The following ARHGEF10 variants were observed in gnomAD, a reference collection of about 807,000 sequenced individuals.
ARHGEF10 encodes Rho guanine nucleotide exchange factor 10, also known as Rho guanine nucleotide exchange factor (GEF) 10.
Under a neutral mutation model 147.4 loss-of-function variants are expected in ARHGEF10, and 140 were observed. That is an observed-to-expected ratio of 0.95 (90% confidence interval 0.83 to 1.09). The LOEUF is 1.09. Among genes scored for constraint, ARHGEF10 ranks in the 50% least tolerant of loss-of-function variants. The pLI, the probability that ARHGEF10 is intolerant of heterozygous loss-of-function variation, is 0.00. For missense variants in ARHGEF10, 2,222 were observed against 1,752.7 expected (o/e 1.27, Z -4.78); for synonymous variants, 902 against 695.8 (o/e 1.30, Z -4.67).
At chr8:1,854,824 G>A (rs1157364044) in intron 2 of ARHGEF10, among the ~76,000 whole-genome samples, 1 of 152,206 alleles carries the variant, frequency 6.6e-6, no homozygotes, top group Non-Finnish European at 1.5e-5. Context: ...CCGCCAACCA[G>A]GTTTCCCACT....
chr8:1,891,746 G>T (rs899728410), intron 11 of ARHGEF10, among the ~76,000 whole-genome samples: 3 of 152,098 alleles, frequency 2.0e-5, no homozygotes, highest in African/African-American at 7.2e-5. Context: ...CCTGAGCACT[G>T]GAGGCTCCCT....
intron 11 of ARHGEF10, among the ~76,000 whole-genome samples, chr8:1,888,112 CACTTAGTGGGGTGAGGGTTTGCG>C (rs2129138651): frequency 9.2e-6 from 1 of 108,448 alleles, no homozygotes; most frequent in African/African-American, 6.4e-5. Flanking sequence ...TTTGAGGAGA[CACTTAGTGGGGTGAGGGTTTGCG>C]AGGAGACACT....
chr8:1,881,516 A>T (rs897480918), intron 9 of ARHGEF10, among the ~76,000 whole-genome samples: 4 of 152,292 alleles, frequency 2.6e-5, no homozygotes, highest in African/African-American at 7.2e-5. Context: ...AGGAAATGGC[A>T]GCAGGACATG....
At chr8:1,902,556 G>A (rs957109601) in intron 15 of ARHGEF10, among the ~76,000 whole-genome samples, 34 of 151,968 alleles carry the variant, frequency 2.2e-4, no homozygotes, top group African/African-American at 7.7e-4. Context: ...AAAATTGAGC[G>A]GAAAGTACAG....
chr8:1,920,016 ATGATGGAGCTGTTCTATGGG>A (rs1563286291), intron 18 of ARHGEF10, among the ~76,000 whole-genome samples: 5 of 47,894 alleles, frequency 1.0e-4, no homozygotes, highest in Admixed American at 4.4e-4. Flanking sequence ...TGTTCTGTGG[ATGATGGAGCTGTTCTATGGG>A]TGATGGAGCT....
intron 18 of ARHGEF10, among the ~76,000 whole-genome samples, chr8:1,911,434 T>C (rs1307830551): frequency 6.6e-6 from 1 of 152,244 alleles, no homozygotes; most frequent in Non-Finnish European, 1.5e-5. Context: ...TTTGTTCCTC[T>C]AGATTAAAAA....
upstream of ARHGEF10, among the ~76,000 whole-genome samples, chr8:1,823,509 C>G (rs570934947): frequency 6.6e-6 from 1 of 152,004 alleles, no homozygotes; most frequent in South Asian, 2.1e-4. Flanking sequence ...CGTGGGGGTC[C>G]GCAGAAAGGG....
At chr8:1,901,496 C>T (rs1399079104) in intron 15 of ARHGEF10, among the ~76,000 whole-genome samples, 1 of 152,230 alleles carries the variant, frequency 6.6e-6, no homozygotes, top group Admixed American at 6.5e-5. Flanking sequence ...TCCATTGGCC[C>T]TGTGACATTT....
chr8:1,950,367 C>A lies in ARHGEF10; in HGVS notation c.3398-2338C>A, dbSNP rs115667504. 6.2e-3 allele frequency among the ~76,000 whole-genome samples: 944 copies of A among 152,306 alleles called. 11 individuals carry two copies. Among genetic ancestry groups the A allele is most frequent in the South Asian group, 0.021 (102 of 4,828 alleles). Reference sequence around the variant, plus strand: ...CTCGTGACTGTGGCCCTCAGCTTTCCCATGTAAAATTAAAGATGTTGATTG... The same window carrying A: ...CTCGTGACTGTGGCCCTCAGCTTTCACATGTAAAATTAAAGATGTTGATTG... On this transcript the variant is annotated intron_variant, in intron 27 of 28. Transcript: ENST00000349830.
chr8:1,903,768 T>A (rs1209450975), intron 16 of ARHGEF10: 2 of 411,844 alleles, frequency 4.9e-6, no homozygotes, highest in Admixed American at 8.0e-5. Flanking sequence ...AAAATAACGG[T>A]ATTTAATTTC....
intron 17 of ARHGEF10, among the ~76,000 whole-genome samples, chr8:1,908,823 A>T (rs546333087): frequency 6.6e-6 from 1 of 152,294 alleles, no homozygotes; most frequent in South Asian, 2.1e-4. Flanking sequence ...CGTATACTTG[A>T]TAAATATTTT....
chr8:1,845,524 G>C (rs1448174699), intron 2 of ARHGEF10, among the ~76,000 whole-genome samples: 4 of 152,238 alleles, frequency 2.6e-5, no homozygotes, highest in Admixed American at 2.6e-4. Flanking sequence ...CCAGGAAGCT[G>C]TCTCTGCAGG....
intron 1 of ARHGEF10, among the ~76,000 whole-genome samples, chr8:1,831,870 C>T (rs1456714140): frequency 2.0e-5 from 3 of 152,200 alleles, no homozygotes; most frequent in Non-Finnish European, 4.4e-5. Flanking sequence ...GGGCTGTGGC[C>T]CTGGGTCAGG....
chr8:1,888,190 T>A (rs1440145111), intron 11 of ARHGEF10, among the ~76,000 whole-genome samples: 1 of 45,102 alleles, frequency 2.2e-5, no homozygotes, highest in South Asian at 5.8e-4. Flanking sequence ...GGGTGAGGGT[T>A]TGCGAGGAGA....
chr8:1,853,311 C>A (rs906107545), intron 2 of ARHGEF10, among the ~76,000 whole-genome samples: 2 of 152,230 alleles, frequency 1.3e-5, no homozygotes, highest in Non-Finnish European at 2.9e-5. Context: ...TTCCCGCCCA[C>A]CTCCTGGGCT....
chr8:1,871,397 T>C (rs778545297), intron 7 of ARHGEF10, among the ~76,000 whole-genome samples: 5 of 152,144 alleles, frequency 3.3e-5, no homozygotes, highest in African/African-American at 7.2e-5. Flanking sequence ...AATGATATAC[T>C]ACTCTGTAAC....
At chr8:1,900,415 G>A (rs1219182435) in intron 15 of ARHGEF10, among the ~76,000 whole-genome samples, 1 of 152,084 alleles carries the variant, frequency 6.6e-6, no homozygotes, top group African/African-American at 2.4e-5. Flanking sequence ...TGAGGTTTAG[G>A]GAAGCTGATG....
At chr8:1,925,826 G>A (rs1812649519) in intron 22 of ARHGEF10, among the ~76,000 whole-genome samples, 1 of 152,206 alleles carries the variant, frequency 6.6e-6, no homozygotes, top group Admixed American at 6.5e-5. Context: ...CTCCAGGGTG[G>A]CGTCTTATTA....
At chr8:1,866,953 C>A (rs1339915716) in intron 6 of ARHGEF10, among the ~76,000 whole-genome samples, 1 of 151,996 alleles carries the variant, frequency 6.6e-6, no homozygotes, top group East Asian at 1.9e-4. Flanking sequence ...CTGCGCTTGC[C>A]TGTGATTCCC....
Sources: gnomAD v4.1 joint callset for allele counts (sites outside exome capture counted in the v4.1 genomes callset) on GRCh38, gnomAD v4.1.1 for gene constraint, MANE v1.5 for transcripts, NCBI Gene and HGNC (gene_info 2026-07-23, HGNC 2026-07-21) for gene names.